Variants in ABCC4 observed in about 807,000 individuals in gnomAD.
ABCC4 encodes ATP-binding cassette sub-family C member 4.
In ABCC4, 102 loss-of-function variants were observed where a neutral mutation model predicts 168.5. That is an observed-to-expected ratio of 0.61 (90% confidence interval 0.52 to 0.71). The LOEUF is 0.71. Ranked by LOEUF, ABCC4 falls within the 30% of genes least tolerant of loss-of-function variation. The probability of loss-of-function intolerance (pLI) is 0.00; values close to 1 mark genes in which losing one functional copy is unlikely to be tolerated. For missense variants in ABCC4, 1,402 were observed against 1,605.8 expected, an observed-to-expected ratio of 0.87 and a Z score of 2.17; for synonymous variants, 617 against 590.7, an observed-to-expected ratio of 1.04 and a Z score of -0.65.
chr13:95,033,739 C>T (rs2031995117), intron 30 of ABCC4, among the ~76,000 whole-genome samples: 2 of 151,540 alleles, frequency 1.3e-5, no homozygotes, highest in Admixed American at 6.6e-5. Context: ...CTTGGCCCAC[C>T]GCAACCTCCG....
Position 95,170,535 on chromosome 13 carries a change from T to C in ABCC4, c.1821A>G (p.Lys607=), listed in dbSNP as rs770976771. ...LKAASQILIL[K]DGKMVQKGTY... is the part of the protein sequence containing the mutation. ...GAGACCTCTAGAAACTACTTACATC[T>C]TTCAATATCAGAATCTGACTTGCAG... The change falls in exon 14 of 31, where the codon AAA becomes AAG. Residue 607 remains lysine, a synonymous_variant. Coordinates refer to ENST00000645237, the MANE Select transcript of ABCC4 (RefSeq NM_005845.5). The C allele has an allele frequency of 8.5e-5, 137 of 1,608,050 alleles. No individual in the cohort carries two copies. The highest frequency in any genetic ancestry group is 1.2e-4 in the Non-Finnish European group (136 of 1,177,098).
chr13:95,291,009 A>AAAAAAAAG lies in ABCC4; in HGVS notation c.74+10231_74+10232insCTTTTTTT, dbSNP rs1394530639. Among the ~76,000 whole-genome samples the AAAAAAAAG allele has an allele frequency of 1.6e-5, 2 of 123,354 alleles. 1 individual carries two copies. The allele number at this position is 123,354 out of a possible 152,430, so 80.9% of individuals were successfully genotyped here. On this transcript the variant is annotated intron_variant, in intron 1 of 30. Transcript: ENST00000645237. ...CAAGACCCTGTCTCAAAAAAAAAAA[A>AAAAAAAAG]AGAGGAAACCATGCCAAATGACTTT...
intron 26 of ABCC4, chr13:95,055,838 G>A (rs1202947342): frequency 6.6e-6 from 1 of 151,896 alleles, no homozygotes; most frequent in Admixed American, 6.6e-5. Flanking sequence ...AGCCAAGATA[G>A]CACCACTGCA....
chr13:95,243,520 T>C (rs367825040), intron 3 of ABCC4, among the ~76,000 whole-genome samples: 7 of 152,240 alleles, frequency 4.6e-5, no homozygotes, highest in African/African-American at 1.7e-4. Flanking sequence ...TGGATGTTGA[T>C]GAACTTGGGT....
At chr13:95,210,932 C>T (rs1329600551) in intron 4 of ABCC4, 151 bp from the exon 5 acceptor site, 5 of 573,656 alleles carry the variant, frequency 8.7e-6, no homozygotes, top group Non-Finnish European at 1.6e-5. Flanking sequence ...TCTCTCTGCC[C>T]CACCAGCACC....
intron 21 of ABCC4, among the ~76,000 whole-genome samples, chr13:95,077,022 G>A (rs1192615872): frequency 6.6e-6 from 1 of 152,084 alleles, no homozygotes. Flanking sequence ...TTTCCAGCAG[G>A]CCACTGTGTT....
intron 1 of ABCC4, among the ~76,000 whole-genome samples, chr13:95,263,012 C>A (rs1360965496): frequency 6.6e-6 from 1 of 152,138 alleles, no homozygotes; most frequent in African/African-American, 2.4e-5. Context: ...CCATGTTCTT[C>A]ACATTTTGGG....
At chr13:95,205,458 G>T (rs891656125) in intron 8 of ABCC4, among the ~76,000 whole-genome samples, 2 of 152,154 alleles carry the variant, frequency 1.3e-5, no homozygotes, top group Non-Finnish European at 2.9e-5. Flanking sequence ...GCAGATTTTT[G>T]AAAAGCTTAG....
intron 1 of ABCC4, among the ~76,000 whole-genome samples, chr13:95,263,097 G>C (rs1009607891): frequency 5.9e-5 from 9 of 152,144 alleles, no homozygotes; most frequent in Non-Finnish European, 1.2e-4. Context: ...GCATCAAAGC[G>C]CAAGGCGGGT....
In ABCC4 at chr13:95,077,937, G is replaced by A. The variant is rs1016471762; in HGVS notation, c.2687-2386C>T. Among the ~76,000 whole-genome samples, 18 of 152,092 alleles carry A rather than the reference G, an allele frequency of 1.2e-4. 1 individual carries two copies. Among genetic ancestry groups the A allele is most frequent in the East Asian group, 5.8e-4 (3 of 5,184 alleles). ...AGTTCCGTAAGTGAAGGAGGAGGCC[G>A]CCAGGTATGAGACACTGGGGTTCTG... On this transcript the variant is annotated intron_variant, in intron 21 of 30. Coordinates refer to ENST00000645237, the MANE Select transcript of ABCC4 (RefSeq NM_005845.5).
At chr13:95,080,429 C>T (rs1050216020) in intron 21 of ABCC4, among the ~76,000 whole-genome samples, 2 of 151,976 alleles carry the variant, frequency 1.3e-5, no homozygotes, top group Non-Finnish European at 2.9e-5. Context: ...TTCAGTTTCA[C>T]TCTTGTTGCC....
At chr13:95,244,953 G>A (rs1170853777) in intron 3 of ABCC4, among the ~76,000 whole-genome samples, 7 of 152,000 alleles carry the variant, frequency 4.6e-5, no homozygotes, top group South Asian at 2.1e-4. Context: ...AGCTCCCCTC[G>A]ATCCGGGCCC....
At chr13:95,043,887 T>G (rs949976966) in intron 28 of ABCC4, 100 bp from the exon 29 acceptor site, 1 of 733,546 alleles carries the variant, frequency 1.4e-6, no homozygotes, top group Non-Finnish European at 2.2e-6. Flanking sequence ...AAAAAAAAGA[T>G]CATATCTATT....
chr13:95,068,206 C>T (rs982729368), intron 25 of ABCC4, among the ~76,000 whole-genome samples: 2 of 152,198 alleles, frequency 1.3e-5, no homozygotes, highest in African/African-American at 2.4e-5. Context: ...CCTGGGGCTG[C>T]AGGCAGGTGT....
At chr13:95,034,462 T>C in intron 30 of ABCC4, 143 bp downstream of exon 30, 4 of 1,266,466 alleles carry the variant, frequency 3.2e-6, no homozygotes, top group Non-Finnish European at 4.2e-6. Flanking sequence ...GACGTGCCGT[T>C]AAGACCCACT....
At chr13:95,187,506 G>A (rs2038105797) in intron 10 of ABCC4, among the ~76,000 whole-genome samples, 1 of 152,140 alleles carries the variant, frequency 6.6e-6, no homozygotes, top group Admixed American at 6.5e-5. Flanking sequence ...GGGAGGCTGA[G>A]GCATGAGAAT....
At chr13:95,105,818 G>A (rs1483276998) in intron 20 of ABCC4, among the ~76,000 whole-genome samples, 1 of 152,162 alleles carries the variant, frequency 6.6e-6, no homozygotes, top group Non-Finnish European at 1.5e-5. Context: ...AGATGATGAT[G>A]ATAACAGCAA....
At chr13:95,062,615 A>C in intron 26 of ABCC4, 89 bp downstream of exon 26, 1 of 1,235,876 alleles carries the variant, frequency 8.1e-7, no homozygotes, top group Non-Finnish European at 1.1e-6. Flanking sequence ...CAATCCTTTC[A>C]TCCAATTAAA....
chr13:95,186,351 T>C (rs2038058200), intron 11 of ABCC4, among the ~76,000 whole-genome samples: 1 of 152,166 alleles, frequency 6.6e-6, no homozygotes, highest in Admixed American at 6.5e-5. Flanking sequence ...TGGCTACAAG[T>C]TGATCGCACT....
Sources: allele counts gnomAD v4.1 joint callset (sites outside exome capture counted in the v4.1 genomes callset), GRCh38; gene constraint gnomAD v4.1.1; transcripts MANE v1.5; gene names NCBI Gene and HGNC (gene_info 2026-07-23, HGNC 2026-07-21).